The following BEND7 variants were observed in gnomAD, a reference collection of about 807,000 sequenced individuals.
The protein encoded by BEND7 is BEN domain-containing protein 7.
A neutral mutation model predicts 50.9 loss-of-function variants in BEND7; 28 were observed. The observed-to-expected ratio is 0.55, with a 90% CI of 0.41 to 0.75. The LOEUF (loss-of-function observed/expected upper bound fraction) is 0.75, where lower values mean the gene tolerates loss of function less well. BEND7 is among the 30% of genes least tolerant of loss of function. The pLI is 0.00. For missense variants in BEND7, 477 were observed against 491.3 expected (o/e 0.97, Z 0.28); for synonymous variants, 170 against 183.9 (o/e 0.92, Z 0.61).
At chr10:13,451,801 T>C (rs1837803570) in intron 7 of BEND7, among the ~76,000 whole-genome samples, 1 of 114,736 alleles carries the variant, frequency 8.7e-6, no homozygotes, top group Non-Finnish European at 1.6e-5. Flanking sequence ...GATGTTCCCC[T>C]TCCTGTGTCC....
chr10:13,448,218 A>G (rs866703672), intron 7 of BEND7, among the ~76,000 whole-genome samples: 2 of 152,284 alleles, frequency 1.3e-5, no homozygotes, highest in African/African-American at 4.8e-5. Flanking sequence ...CTTCTGTTAC[A>G]TGCGAAAAAA....
intron 6 of BEND7, among the ~76,000 whole-genome samples, chr10:13,479,057 A>G (rs1228957116): frequency 1.4e-5 from 2 of 144,300 alleles, no homozygotes; most frequent in African/African-American, 2.6e-5. Context: ...CCCAGGCTGG[A>G]GTACAATGGT....
Position 13,522,535 on chromosome 10 carries a change from C to CGG in BEND7, c.145+3602_145+3603insCC, listed in dbSNP as rs556426493. On this transcript the variant is annotated intron_variant, in intron 2 of 8. Transcript: ENST00000466271. ...GAGAAGACAGATGTGAAAGCACTTTCTAAACCATAAGTGCAACACTCATGG... is the reference window on the plus strand; with the variant it reads ...GAGAAGACAGATGTGAAAGCACTTTCGGTAAACCATAAGTGCAACACTCATGG... Among the ~76,000 whole-genome samples the CGG allele has an allele frequency of 2.8e-3, 428 of 152,324 alleles. 1 individual carries two copies. Among genetic ancestry groups the CGG allele is most frequent in the African/African-American group, 6.2e-3 (257 of 41,562 alleles).
chr10:13,450,684 C>G (rs1358808281), intron 7 of BEND7, among the ~76,000 whole-genome samples: 1 of 152,082 alleles, frequency 6.6e-6, no homozygotes, highest in African/African-American at 2.4e-5. Flanking sequence ...GGCAGATCAT[C>G]TAAACCAGTG....
intron 2 of BEND7, among the ~76,000 whole-genome samples, chr10:13,517,460 C>T (rs1259975173): frequency 6.6e-6 from 1 of 152,050 alleles, no homozygotes; most frequent in African/African-American, 2.4e-5. Context: ...AGTTTGGGTA[C>T]ACTTAGATGA....
chr10:13,469,749 A>T (rs1176230661), intron 6 of BEND7, among the ~76,000 whole-genome samples: 1 of 152,222 alleles, frequency 6.6e-6, no homozygotes, highest in Non-Finnish European at 1.5e-5. Context: ...TGCTGGGATT[A>T]CAGGCATGAG....
At chr10:13,494,260 T>C (rs2076878113) in intron 4 of BEND7, among the ~76,000 whole-genome samples, 1 of 151,954 alleles carries the variant, frequency 6.6e-6, no homozygotes, top group African/African-American at 2.4e-5. Context: ...CTACTAAAAA[T>C]ACAAAAATTA....
upstream of BEND7, among the ~76,000 whole-genome samples, chr10:13,529,474 A>C (rs7918607): frequency 0.3 from 46,345 of 152,046 alleles, 7,625 homozygotes; most frequent in Non-Finnish European, 0.38. Flanking sequence ...AGGTTTTAGA[A>C]TATTGTGGAG....
intron 7 of BEND7, among the ~76,000 whole-genome samples, chr10:13,450,228 A>G (rs1263906934): frequency 6.6e-6 from 1 of 152,228 alleles, no homozygotes; most frequent in Non-Finnish European, 1.5e-5. Context: ...CTTAAGTGGT[A>G]GCCAATTAGC....
chr10:13,503,892 G>T (rs2077670318), intron 2 of BEND7, among the ~76,000 whole-genome samples: 1 of 152,194 alleles, frequency 6.6e-6, no homozygotes, highest in African/African-American at 2.4e-5. Context: ...TTCAGGAATG[G>T]TCTCTGGGGT....
In BEND7 at chr10:13,454,438, C is replaced by CTCAG. The variant is rs145112029; in HGVS notation, c.1064-1781_1064-1780insCTGA. 2.0e-5 allele frequency among the ~76,000 whole-genome samples: 3 copies of CTCAG among 151,446 alleles called. No individual in the cohort carries two copies. In the East Asian group the frequency reaches 5.9e-4, roughly 30 times the overall value. On this transcript the variant is annotated intron_variant, in intron 6 of 8. Coordinates refer to ENST00000466271, the MANE Select transcript of BEND7 (RefSeq NM_001369863.1). ...CCTGGGCAATACAGTGAGACCCTGT[C>CTCAG]TCAATCAATCAATCAATCCATCAGT...
At chr10:13,509,538 G>GC (rs1434207643) in intron 2 of BEND7, among the ~76,000 whole-genome samples, 8 of 152,164 alleles carry the variant, frequency 5.3e-5, no homozygotes, top group Non-Finnish European at 1.2e-4. Flanking sequence ...CTGAGGGAAC[G>GC]CATGATCAAT....
chr10:13,480,795 A>G (rs1348013925), intron 6 of BEND7, 104 bp downstream of exon 6: 1 of 1,536,478 alleles, frequency 6.5e-7, no homozygotes, highest in Non-Finnish European at 8.8e-7. Context: ...GCAATGGCAA[A>G]TGAAACTGGC....
intron 2 of BEND7, among the ~76,000 whole-genome samples, chr10:13,521,323 T>C (rs2079065097): frequency 6.6e-6 from 1 of 152,192 alleles, no homozygotes; most frequent in Non-Finnish European, 1.5e-5. Context: ...ACTCCTCAAA[T>C]TCTTCATCCA....
Position 13,492,756 on chromosome 10 carries a change from A to G in BEND7, c.692T>C (p.Val231Ala). 2.5e-6 allele frequency: 4 copies of G among 1,613,760 alleles called. No homozygotes were observed. The highest frequency in any genetic ancestry group is 3.4e-6 in the Non-Finnish European group (4 of 1,179,948). Residue 231 changes from valine to alanine, a missense_variant, in exon 5 of 9, where the codon GTG (valine) becomes GCG (alanine). Around this residue, in one of 3 missense-constraint regions of BEND7, gnomAD observed 396 missense variants for 384.2 expected, o/e 1.03. Coordinates refer to ENST00000466271, the MANE Select transcript of BEND7 (RefSeq NM_001369863.1). The part of the protein sequence containing the change: ...VPPKTVEPLT[V>A]KQKPSGSEME... ...CTCTGACCCACTGGGCTTCTGTTTC[A>G]CAGTAAGAGGTTCCACAGTCTTTGG... is the stretch of plus-strand genomic sequence containing the variant.
chr10:13,494,902 C>T (rs1457307066), intron 4 of BEND7, among the ~76,000 whole-genome samples: 1 of 152,182 alleles, frequency 6.6e-6, no homozygotes, highest in Non-Finnish European at 1.5e-5. Context: ...ACCCACATGA[C>T]ACAAATTTTT....
At chr10:13,517,154 C>T (rs2078742793) in intron 2 of BEND7, among the ~76,000 whole-genome samples, 1 of 151,546 alleles carries the variant, frequency 6.6e-6, no homozygotes, top group Non-Finnish European at 1.5e-5. Context: ...AACTCCCACC[C>T]ACTGGGCTCA....
chr10:13,480,813 C>A lies in BEND7; in HGVS notation c.1063+86G>T, dbSNP rs185227865. The A allele has an allele frequency of 9.6e-5, 151 of 1,572,290 alleles. 1 individual carries two copies. The East Asian group carries it at 3.2e-3, about 33-fold the overall frequency. On this transcript the variant is annotated intron_variant, in intron 6 of 8. Coordinates refer to ENST00000466271, the MANE Select transcript of BEND7 (RefSeq NM_001369863.1). Reference sequence around the variant, plus strand: ...ATGGCAAATGAAACTGGCCACTAGTCAGTTTACTACAATTTCAGCTGCATC... The same window carrying A: ...ATGGCAAATGAAACTGGCCACTAGTAAGTTTACTACAATTTCAGCTGCATC...
chr10:13,514,645 C>T (rs2078530603), intron 2 of BEND7, among the ~76,000 whole-genome samples: 1 of 152,148 alleles, frequency 6.6e-6, no homozygotes. Flanking sequence ...GATCTCCCTC[C>T]CAGCGGAGAG....
Sources: allele counts gnomAD v4.1 joint callset (sites outside exome capture counted in the v4.1 genomes callset), GRCh38; gene constraint gnomAD v4.1.1; regional missense constraint gnomAD v4.1.1; transcripts MANE v1.5; gene names NCBI Gene and HGNC (gene_info 2026-07-23, HGNC 2026-07-21).